Variants in PVT1 observed in about 807,000 individuals in gnomAD.
The protein encoded by PVT1 is Pvt1 oncogene.
At chr8:128,003,905 G>C (rs1203160942) in intron 4 of PVT1, among the ~76,000 whole-genome samples, 1 of 152,188 alleles carries the variant, frequency 6.6e-6, no homozygotes, top group East Asian at 1.9e-4. Flanking sequence ...CTGTGCTAGA[G>C]GCTGGGAAGT....
chr8:127,850,763 A>G (rs1815098660), intron 2 of PVT1, among the ~76,000 whole-genome samples: 1 of 152,234 alleles, frequency 6.6e-6, no homozygotes, highest in African/African-American at 2.4e-5. Flanking sequence ...TCACGCCTGT[A>G]ATCCCAGCAG....
chr8:127,950,621 C>G (rs887870841), intron 3 of PVT1, among the ~76,000 whole-genome samples: 2 of 152,206 alleles, frequency 1.3e-5, no homozygotes, highest in Non-Finnish European at 2.9e-5. Flanking sequence ...GAAGAGACAG[C>G]TGGCAGTCAC....
At position 127,915,796 on chromosome 8, in the gene PVT1, T is replaced by C. The variant is rs139844671; in HGVS notation, n.782+24798T>C. 4.3e-3 allele frequency among the ~76,000 whole-genome samples: 655 copies of C among 152,336 alleles called. 10 individuals carry two copies. Among genetic ancestry groups the C allele is most frequent in the African/African-American group, 0.015 (624 of 41,574 alleles). On this transcript the variant is annotated intron_variant and non_coding_transcript_variant, in intron 3 of 10. Coordinates refer to ENST00000651587, the Ensembl canonical transcript of PVT1. ...TGGTCTGACTCTAGAATGCTGCTTT[T>C]GATCACTTTTCTATGTTCCTCTTCC...
At chr8:127,954,817 G>T (rs1281280720) in intron 3 of PVT1, among the ~76,000 whole-genome samples, 1 of 152,186 alleles carries the variant, frequency 6.6e-6, no homozygotes, top group Non-Finnish European at 1.5e-5. Context: ...GGTCCTGGGG[G>T]TCTGTGAGCT....
intron 5 of PVT1, among the ~76,000 whole-genome samples, chr8:128,086,776 C>T (rs1426705172): frequency 6.6e-6 from 1 of 152,220 alleles, no homozygotes; most frequent in Admixed American, 6.5e-5. Flanking sequence ...ACTCCTTGTT[C>T]CTACAGGGTG....
At chr8:127,865,289 C>T (rs1815274862) in intron 2 of PVT1, among the ~76,000 whole-genome samples, 1 of 152,092 alleles carries the variant, frequency 6.6e-6, no homozygotes, top group African/African-American at 2.4e-5. Flanking sequence ...TGAACGGCAG[C>T]CTGAGGATGG....
At chr8:127,795,529 G>A (rs1170076733) in intron 1 of PVT1, among the ~76,000 whole-genome samples, 2 of 152,194 alleles carry the variant, frequency 1.3e-5, no homozygotes, top group African/African-American at 4.8e-5. Flanking sequence ...AGGGACAAGA[G>A]GATGAGGTTT....
At chr8:127,948,627 A>G (rs1816456794) in intron 3 of PVT1, 1 of 152,560 alleles carries the variant, frequency 6.6e-6, no homozygotes, top group Non-Finnish European at 1.5e-5. Context: ...GGGCTCCAAT[A>G]TGGTCAGACT....
At chr8:127,947,758 C>A in intron 3 of PVT1, 1 of 456,448 alleles carries the variant, frequency 2.2e-6, no homozygotes, top group Non-Finnish European at 4.4e-6. Context: ...TGATCACAGT[C>A]CAGGGACAAG....
chr8:128,056,650 C>G (rs747710399), intron 4 of PVT1, among the ~76,000 whole-genome samples: 1 of 152,108 alleles, frequency 6.6e-6, no homozygotes, highest in Non-Finnish European at 1.5e-5. Context: ...CTCCACCACA[C>G]GAATGGTTGC....
intron 4 of PVT1, among the ~76,000 whole-genome samples, chr8:128,020,079 T>C (rs954306194): frequency 6.6e-6 from 1 of 152,192 alleles, no homozygotes; most frequent in African/African-American, 2.4e-5. Flanking sequence ...TTCTCCATGA[T>C]GTTTAGAACC....
intron 4 of PVT1, among the ~76,000 whole-genome samples, chr8:128,029,427 C>T (rs1318232965): frequency 6.6e-6 from 1 of 152,140 alleles, no homozygotes; most frequent in African/African-American, 2.4e-5. Context: ...TGTGCCTGGC[C>T]TCCTATTTTC....
Position 127,860,447 on chromosome 8 carries a change from C to T in PVT1, n.373-30142C>T, listed in dbSNP as rs948545417. 4.2e-4 allele frequency among the ~76,000 whole-genome samples: 64 copies of T among 152,238 alleles called. 2 individuals carry two copies. The highest frequency in any genetic ancestry group is 3.7e-3 in the Admixed American group (57 of 15,296). On this transcript the variant is annotated intron_variant and non_coding_transcript_variant, in intron 2 of 10. Transcript: ENST00000651587. ...ATGGGGGAGATTCACTAGGTTGATG[C>T]TTTGCTGATAGGCAGCCCTGTAGAG...
At chr8:127,981,575 A>T (rs1435655434) in intron 3 of PVT1, among the ~76,000 whole-genome samples, 1 of 152,226 alleles carries the variant, frequency 6.6e-6, no homozygotes, top group Admixed American at 6.5e-5. Context: ...AACTATTTAC[A>T]TTTAGGGCTG....
intron 2 of PVT1, among the ~76,000 whole-genome samples, chr8:127,874,659 A>G (rs1406836304): frequency 6.6e-6 from 1 of 152,168 alleles, no homozygotes; most frequent in African/African-American, 2.4e-5. Context: ...GAATGTTAGC[A>G]GTGGGTATTA....
intron 3 of PVT1, chr8:127,948,350 A>G (rs1816452083): frequency 5.8e-6 from 1 of 173,532 alleles, no homozygotes; most frequent in Admixed American, 5.5e-5. Flanking sequence ...TTCTCAGGGG[A>G]GAAAATTCAT....
intron 4 of PVT1, among the ~76,000 whole-genome samples, chr8:128,056,791 G>A (rs534610267): frequency 1.3e-5 from 2 of 152,300 alleles, no homozygotes; most frequent in African/African-American, 2.4e-5. Context: ...GAGTTGCTCC[G>A]GGGTGATTCT....
chr8:128,057,030 C>T (rs544741116), intron 4 of PVT1, among the ~76,000 whole-genome samples: 151 of 152,254 alleles, frequency 9.9e-4, no homozygotes, highest in African/African-American at 3.4e-3. Flanking sequence ...TTGAGAAAGA[C>T]AGGGTATTCT....
chr8:127,941,169 G>T (rs560048396), intron 3 of PVT1, among the ~76,000 whole-genome samples: 69 of 152,314 alleles, frequency 4.5e-4, no homozygotes, highest in Middle Eastern at 6.8e-3. Context: ...GGTGGGTCCA[G>T]TTCCTTTTAG....
Sources: allele counts gnomAD v4.1 joint callset (sites outside exome capture counted in the v4.1 genomes callset), GRCh38; gene constraint gnomAD v4.1.1; transcripts MANE v1.5; gene names NCBI Gene and HGNC (gene_info 2026-07-23, HGNC 2026-07-21).